Variants in MCF2 observed in about 807,000 individuals in gnomAD.
MCF2 encodes the protein MCF.2 cell line derived transforming sequence.
Under a neutral mutation model 82.5 loss-of-function variants are expected in MCF2, and 44 were observed. The ratio of observed to expected loss-of-function variants is 0.53; its 90% CI spans 0.42 to 0.69. The LOEUF is 0.69. Among genes scored for constraint, MCF2 ranks in the 30% least tolerant of loss-of-function variants. The pLI is 0.00. For synonymous variants in MCF2, 217 were observed against 224.9 expected (o/e 0.96, Z 0.32); for missense variants, 623 against 663.1 (o/e 0.94, Z 0.66).
chrX:139,616,424 A>G (rs1469770026), exon 9 of MCF2: 3 of 1,174,214 alleles, frequency 2.6e-6, no homozygotes, highest in South Asian at 2.0e-5. Flanking sequence ...AAACTTATCT[A>G]TTTCCTGATT....
At chrX:139,681,195 A>C (rs1934989775) in intron 1 of MCF2, among the ~76,000 whole-genome samples, 1 of 112,764 alleles carries the variant, frequency 8.9e-6, no homozygotes, top group African/African-American at 3.2e-5. Flanking sequence ...GTGTATATGC[A>C]ACAGCTATTG....
chrX:139,615,992 G>A (rs1931862339), intron 9 of MCF2, among the ~76,000 whole-genome samples: 1 of 111,667 alleles, frequency 9.0e-6, no homozygotes, highest in Non-Finnish European at 1.9e-5. Flanking sequence ...AAGAGCTTTG[G>A]GCCTTTCTCC....
intron 24 of MCF2, 92 bp downstream of exon 28, chrX:139,584,974 G>T: frequency 1.8e-6 from 1 of 542,154 alleles, no homozygotes; most frequent in Non-Finnish European, 3.0e-6. Flanking sequence ...ATGGCCTCAA[G>T]GATGCTGACA....
intron 24 of MCF2, 70 bp downstream of exon 28, chrX:139,584,996 C>T (rs981384193): frequency 4.2e-6 from 3 of 710,389 alleles, no homozygotes; most frequent in Admixed American, 5.7e-5. Flanking sequence ...AAGATTGCCC[C>T]TATGTGCTCC....
intron 1 of MCF2, among the ~76,000 whole-genome samples, chrX:139,680,048 C>A (rs1380941680): frequency 8.9e-6 from 1 of 111,910 alleles, no homozygotes; most frequent in African/African-American, 3.2e-5. Flanking sequence ...ATATAGTGTG[C>A]AGACATGAAA....
chrX:139,596,680 A>G, exon 19 of MCF2: 1 of 1,209,647 alleles, frequency 8.3e-7, no homozygotes, highest in Non-Finnish European at 1.1e-6. Context: ...AATCTAGCCA[A>G]ATCCTTCATT....
intron 1 of MCF2, among the ~76,000 whole-genome samples, chrX:139,678,347 C>T (rs1472971594): frequency 9.0e-6 from 1 of 111,455 alleles, no homozygotes; most frequent in Non-Finnish European, 1.9e-5. Flanking sequence ...GGATTCAAAT[C>T]TTACACTGTT....
intron 4 of MCF2, among the ~76,000 whole-genome samples, chrX:139,627,107 A>G (rs1932778519): frequency 9.0e-6 from 1 of 111,423 alleles, no homozygotes; most frequent in Non-Finnish European, 1.9e-5. Flanking sequence ...ATTTTTATTT[A>G]CTTTTTTAGA....
At chrX:139,594,522 T>C (rs1229317518) in intron 19 of MCF2, among the ~76,000 whole-genome samples, 2 of 110,582 alleles carry the variant, frequency 1.8e-5, no homozygotes, top group Non-Finnish European at 3.8e-5. Context: ...TGGCTAGCCA[T>C]ATGTAGAAAG....
intron 1 of MCF2, among the ~76,000 whole-genome samples, chrX:139,660,719 C>A (rs1020850200): frequency 5.3e-5 from 6 of 112,389 alleles, no homozygotes; most frequent in African/African-American, 1.9e-4. Flanking sequence ...AGTAAAGGTA[C>A]AATATAAAAG....
chrX:139,695,019 CTCTGTAT>C (rs2148580705), intron 1 of MCF2, among the ~76,000 whole-genome samples: 1 of 102,582 alleles, frequency 9.7e-6, no homozygotes, highest in Non-Finnish European at 2.0e-5. Context: ...TACAGGATCT[CTCTGTAT>C]TCTTTCTTTT....
chrX:139,703,411 A>T (rs1935534719), intron 1 of MCF2, among the ~76,000 whole-genome samples: 2 of 111,846 alleles, frequency 1.8e-5, no homozygotes, highest in Admixed American at 1.9e-4. Context: ...AATATCACAC[A>T]GGAATCCAGG....
At chrX:139,642,909 T>C, upstream of MCF2, 1 of 718,197 alleles carries the variant, frequency 1.4e-6, no homozygotes, top group Non-Finnish European at 1.7e-6. Flanking sequence ...GGACTGGCTT[T>C]CTCCTCTGCG....
chrX:139,674,148 T>TTG (rs1195246013), intron 1 of MCF2, among the ~76,000 whole-genome samples: 1 of 111,547 alleles, frequency 9.0e-6, no homozygotes, highest in African/African-American at 3.3e-5. Flanking sequence ...CCCCTGCTTT[T>TTG]TTTTCTTTTG....
At chrX:139,667,131 T>C (rs1467180567) in intron 1 of MCF2, among the ~76,000 whole-genome samples, 2 of 111,529 alleles carry the variant, frequency 1.8e-5, no homozygotes, top group Non-Finnish European at 3.8e-5. Context: ...TTCTGACTTC[T>C]TTGTATTATT....
At position 139,619,386 on chromosome X, in the gene MCF2, C is replaced by T. The variant is rs148024489; in HGVS notation, c.807+201G>A. Among the ~76,000 whole-genome samples, 1,102 of 110,518 alleles carry T rather than the reference C, an allele frequency of 1.0e-2. 11 individuals carry two copies. Among genetic ancestry groups the T allele is most frequent in the African/African-American group, 0.034 (1,035 of 30,474 alleles). ...GGCTACAAATAGGGTGCAGTGTATA[C>T]TGTTCGGGTGATGGGTGCACCAAAA... On this transcript the variant is annotated intron_variant, in intron 7 of 24. Transcript: ENST00000370576.
At chrX:139,673,549 A>C (rs1245547167) in intron 1 of MCF2, among the ~76,000 whole-genome samples, 4 of 111,652 alleles carry the variant, frequency 3.6e-5, no homozygotes, top group African/African-American at 1.3e-4. Context: ...GAACATCTTT[A>C]TTTCTGCCTT....
chrX:139,705,950 A>C (rs997484594), intron 1 of MCF2, among the ~76,000 whole-genome samples: 1 of 112,723 alleles, frequency 8.9e-6, no homozygotes, highest in African/African-American at 3.2e-5. Context: ...AATGGCCAAC[A>C]AATATATGAA....
rs1485538303 is a variant in MCF2, at chrX:139,640,295, T to C, written c.51+2173A>G. Among the ~76,000 whole-genome samples the C allele has an allele frequency of 1.2e-4, 13 of 111,533 alleles. No individual in the cohort carries two copies. In the East Asian group the frequency reaches 3.7e-3, roughly 31 times the overall value. On this transcript the variant is annotated intron_variant, in intron 1 of 24. Transcript: ENST00000370576. ...TGACAGGCACTTGACTTTCATAAGG[T>C]CTGAACCATCTCTGCAGAATATGTT...
Sources: gnomAD v4.1 joint callset for allele counts (sites outside exome capture counted in the v4.1 genomes callset) on GRCh38, gnomAD v4.1.1 for gene constraint, MANE v1.5 for transcripts, NCBI Gene and HGNC (gene_info 2026-07-23, HGNC 2026-07-21) for gene names.